Variants in NFIA observed in about 807,000 individuals in gnomAD.
NFIA encodes nuclear factor 1 A-type.
Under a neutral mutation model 62.8 loss-of-function variants are expected in NFIA, and 8 were observed. The observed-to-expected ratio is 0.13, with a 90% CI of 0.07 to 0.23. The LOEUF is 0.23. Ranked by LOEUF, NFIA falls within the 10% of genes least tolerant of loss-of-function variation. The pLI is 1.00. For synonymous variants in NFIA, 235 were observed against 238.1 expected (o/e 0.99, Z 0.12); for missense variants, 410 against 642.1 (o/e 0.64, Z 3.91).
chr1:61,275,267 A>G (rs1307020921), intron 2 of NFIA, among the ~76,000 whole-genome samples: 1 of 152,030 alleles, frequency 6.6e-6, no homozygotes, highest in East Asian at 1.9e-4. Flanking sequence ...CTTTCTTTGG[A>G]CATACCTAAT....
At position 61,088,712 on chromosome 1, in the gene NFIA, T is replaced by C; in HGVS notation, c.559+32T>C. On this transcript the variant is annotated intron_variant, in intron 2 of 10. Transcript: ENST00000403491. This position sits in a 1 kb window ranked among gnomAD's most constrained non-coding sequence, Gnocchi z 4.5. Reference sequence around the variant, plus strand: ...GCGATGGTGAGAATTCCTCCCACTTTCTTGTGTGTGTTTCTTTCCTGATGG... The same window carrying C: ...GCGATGGTGAGAATTCCTCCCACTTCCTTGTGTGTGTTTCTTTCCTGATGG... The C allele has an allele frequency of 1.3e-6, 2 of 1,583,554 alleles. No individual in the cohort carries two copies. Among genetic ancestry groups the C allele is most frequent in the Middle Eastern group, 4.1e-4 (2 of 4,922 alleles).
chr1:61,105,036 GGTA>G, intron 2 of NFIA, among the ~76,000 whole-genome samples: 1 of 152,028 alleles, frequency 6.6e-6, no homozygotes, highest in Admixed American at 6.5e-5. Flanking sequence ...TCTACACTGT[GGTA>G]TAAGGCACAG....
intron 9 of NFIA, among the ~76,000 whole-genome samples, chr1:61,412,616 G>A (rs1310011461): frequency 6.6e-6 from 1 of 152,120 alleles, no homozygotes; most frequent in Non-Finnish European, 1.5e-5. Flanking sequence ...TCAGAAGTTC[G>A]GTTTGACCAA....
intron 4 of NFIA, among the ~76,000 whole-genome samples, chr1:61,342,810 A>G (rs1261630307): frequency 6.6e-6 from 1 of 152,268 alleles, no homozygotes; most frequent in East Asian, 1.9e-4. Context: ...TTCTTTGAAC[A>G]GATATCTAGG....
chr1:61,342,211 C>T (rs1570608507), intron 4 of NFIA, among the ~76,000 whole-genome samples: 1 of 150,886 alleles, frequency 6.6e-6, no homozygotes. Context: ...TTTTTGTAAA[C>T]AGCTGAATTA....
At chr1:61,446,815 A>G (rs895978612) in intron 10 of NFIA, among the ~76,000 whole-genome samples, 15 of 152,208 alleles carry the variant, frequency 9.9e-5, no homozygotes, top group Non-Finnish European at 1.0e-4. Context: ...TCCTTGATTG[A>G]TTGGCTCTCA....
intron 10 of NFIA, among the ~76,000 whole-genome samples, chr1:61,432,624 C>CACATATAT (rs1557434287): frequency 4.8e-4 from 17 of 35,636 alleles, no homozygotes; most frequent in East Asian, 2.1e-3. Flanking sequence ...CACACACACA[C>CACATATAT]GTACACACAT....
chr1:61,185,584 C>CA (rs1469648176), intron 2 of NFIA, among the ~76,000 whole-genome samples: 1 of 151,494 alleles, frequency 6.6e-6, no homozygotes, highest in Admixed American at 6.6e-5. Context: ...CATTGGCCTG[C>CA]AAAGACACTG....
rs183702862 is a variant in NFIA at position 61,235,189 on chromosome 1, G to A, written c.560-42331G>A. Among the ~76,000 whole-genome samples, 58 of 152,296 alleles carry A rather than the reference G, an allele frequency of 3.8e-4. No homozygotes were observed. In the South Asian group the frequency reaches 4.1e-3, roughly 11 times the overall value. ...TTAAAAATGAACAAAGGGGCTGGGC[G>A]CGGTGGCTCATGCCTATGATCCCAG... On this transcript the variant is annotated intron_variant, in intron 2 of 10. Coordinates refer to ENST00000403491, the MANE Select transcript of NFIA (RefSeq NM_001134673.4).
chr1:61,414,727 A>G (rs960351459), intron 9 of NFIA, among the ~76,000 whole-genome samples: 2 of 152,106 alleles, frequency 1.3e-5, no homozygotes, highest in Non-Finnish European at 2.9e-5. Flanking sequence ...GAAGCAGTAG[A>G]TTTTAAGAAA....
chr1:61,375,174 A>G (rs1407307644), intron 6 of NFIA, among the ~76,000 whole-genome samples: 1 of 152,198 alleles, frequency 6.6e-6, no homozygotes, highest in Non-Finnish European at 1.5e-5. Flanking sequence ...CTGTGGGGGA[A>G]TTACTAGAGT....
At chr1:61,360,041 A>G (rs1018658397) in intron 6 of NFIA, among the ~76,000 whole-genome samples, 2 of 152,224 alleles carry the variant, frequency 1.3e-5, no homozygotes, top group Admixed American at 1.3e-4. Flanking sequence ...TTTTTATATA[A>G]TAAGGACACT....
chr1:61,287,764 G>C (rs573928314), intron 3 of NFIA, among the ~76,000 whole-genome samples: 1 of 151,904 alleles, frequency 6.6e-6, no homozygotes, highest in Non-Finnish European at 1.5e-5. Flanking sequence ...AGTATTCATT[G>C]TTTGTCTAGA....
chr1:61,226,659 T>C (rs1654354647), intron 2 of NFIA, among the ~76,000 whole-genome samples: 1 of 152,236 alleles, frequency 6.6e-6, no homozygotes, highest in Non-Finnish European at 1.5e-5. Flanking sequence ...TTTTTATTTT[T>C]ATTTTTATTT....
chr1:61,385,881 G>A (rs1664657060), intron 7 of NFIA: 1 of 152,138 alleles, frequency 6.6e-6, no homozygotes, highest in African/African-American at 2.4e-5. Context: ...AATTCAAGAT[G>A]GCTCCCAGCA....
intron 2 of NFIA, among the ~76,000 whole-genome samples, chr1:61,106,711 C>A (rs1646607265): frequency 6.6e-6 from 1 of 151,440 alleles, no homozygotes; most frequent in Admixed American, 6.6e-5. Flanking sequence ...ACTTATAACA[C>A]ATAGTATGAA....
intron 7 of NFIA, among the ~76,000 whole-genome samples, chr1:61,395,303 T>A (rs1259226852): frequency 1.3e-5 from 2 of 151,320 alleles, no homozygotes; most frequent in African/African-American, 4.9e-5. Flanking sequence ...TTTTTTTTTT[T>A]AATGCAGGAA....
Position 61,263,932 on chromosome 1 carries a change from G to A in NFIA, c.560-13588G>A, listed in dbSNP as rs528479457. Among the ~76,000 whole-genome samples, 10 of 152,200 alleles carry A rather than the reference G, an allele frequency of 6.6e-5. No individual in the cohort carries two copies. The South Asian group carries it at 2.1e-3, about 32-fold the overall frequency. ...TTGAACCCGGGAGGCAGAGGTTGCA[G>A]TGAGCAGAGATCACACCACTGCACT... On this transcript the variant is annotated intron_variant, in intron 2 of 10. Transcript: ENST00000403491.
intron 4 of NFIA, among the ~76,000 whole-genome samples, chr1:61,345,304 GGCA>G (rs1350959263): frequency 2.0e-5 from 3 of 152,102 alleles, no homozygotes. Context: ...GTTTAGAGGG[GGCA>G]AATAGGGAGG....
Sources: gnomAD v4.1 joint callset for allele counts (sites outside exome capture counted in the v4.1 genomes callset) on GRCh38, gnomAD v4.1.1 for gene constraint, Gnocchi (gnomAD v3.1) non-coding constraint, MANE v1.5 for transcripts, NCBI Gene and HGNC (gene_info 2026-07-23, HGNC 2026-07-21) for gene names.